The following PARD6G variants were observed in gnomAD, a reference collection of about 807,000 sequenced individuals.
PARD6G encodes partitioning defective 6 homolog gamma.
Under a neutral mutation model 10.7 loss-of-function variants are expected in PARD6G, and 7 were observed. The ratio of observed to expected loss-of-function variants is 0.66; its 90% CI spans 0.37 to 1.23. The LOEUF (loss-of-function observed/expected upper bound fraction) is 1.23. Ranked by LOEUF, PARD6G falls within the 50% of genes most tolerant of loss-of-function variation. The pLI is 0.02. For missense variants in PARD6G, 548 were observed against 571.8 expected, an observed-to-expected ratio of 0.96 and a Z score of 0.42; for synonymous variants, 287 against 269.4, an observed-to-expected ratio of 1.07 and a Z score of -0.64.
At chr18:80,222,092 T>G (rs547098537) in intron 1 of PARD6G, among the ~76,000 whole-genome samples, 2 of 152,268 alleles carry the variant, frequency 1.3e-5, no homozygotes, top group Non-Finnish European at 2.9e-5. Flanking sequence ...TTTTCTTTTT[T>G]CTTTTTTTTT....
At chr18:80,235,378 T>C (rs1426754697) in intron 1 of PARD6G, among the ~76,000 whole-genome samples, 2 of 152,148 alleles carry the variant, frequency 1.3e-5, no homozygotes, top group African/African-American at 2.4e-5. Context: ...GGGAAATTTA[T>C]AGCACTAAAT....
At position 80,160,154 on chromosome 18, in the gene PARD6G, C is replaced by T. The variant is rs1219219144; in HGVS notation, c.748G>A (p.Ala250Thr). Reference sequence around the variant, plus strand: ...CGCACCACGTTGTTGCGCTGGTTGGCGGGCTTGACGGTGACGATGAGGTTG... The same window carrying T: ...CGCACCACGTTGTTGCGCTGGTTGGTGGGCTTGACGGTGACGATGAGGTTG... ...SHNLIVTVKPANQRNNVVRGG... is the reference protein window; with the variant it reads ...SHNLIVTVKPTNQRNNVVRGG... Residue 250 changes from alanine (A) to threonine (T), a missense_variant, in exon 3 of 3, where the codon GCC (alanine) becomes ACC (threonine). Around this residue, in one of 2 missense-constraint regions of PARD6G, gnomAD observed 313 missense variants for 279.9 expected, o/e 1.12. Transcript: ENST00000353265. The T allele has an allele frequency of 1.9e-6, 3 of 1,613,228 alleles. No individual in the cohort carries two copies. Among genetic ancestry groups the T allele is most frequent in the African/African-American group, 2.7e-5 (2 of 74,924 alleles).
At chr18:80,243,934 A>AG (rs1195518374) in intron 1 of PARD6G, among the ~76,000 whole-genome samples, 2 of 151,992 alleles carry the variant, frequency 1.3e-5, no homozygotes, top group African/African-American at 4.8e-5. Flanking sequence ...CACTGCTGGG[A>AG]GCGGGGATGA....
At chr18:80,233,409 T>C (rs979138615) in intron 1 of PARD6G, among the ~76,000 whole-genome samples, 3 of 152,162 alleles carry the variant, frequency 2.0e-5, no homozygotes, top group African/African-American at 7.2e-5. Context: ...CAGGTGCTGA[T>C]GGGCCCAAGG....
In PARD6G at chr18:80,202,728, C is replaced by A. The variant is rs1018401922; in HGVS notation, c.277G>T (p.Val93Phe). The A allele has an allele frequency of 6.2e-7, 1 of 1,613,036 alleles. No individual in the cohort carries two copies. Among genetic ancestry groups the A allele is most frequent in the Non-Finnish European group, 8.5e-7 (1 of 1,179,936 alleles). ...TCAGTACCTCGTTTCTGGATGAAGA[C>A]CCTGAGCAGGGGATTTGCACTAGAA... Reference protein sequence around the residue: ...AVSSANPLLRVFIQKREEAER... With the variant: ...AVSSANPLLRFFIQKREEAER... Residue 93 changes from valine (V) to phenylalanine (F), a missense_variant, in exon 2 of 3, where the codon GTC becomes TTC. Around this residue, in one of 2 missense-constraint regions of PARD6G, gnomAD observed 235 missense variants for 291.9 expected, o/e 0.81. Transcript: ENST00000353265.
Position 80,175,912 on chromosome 18 carries a change from C to A in PARD6G, c.296-15306G>T, listed in dbSNP as rs2052805482. On this transcript the variant is annotated intron_variant, in intron 2 of 2. Coordinates refer to ENST00000353265, the MANE Select transcript of PARD6G (RefSeq NM_032510.4). This position sits in a 1 kb window ranked among gnomAD's most constrained non-coding sequence, Gnocchi z 6.7. ...CTCTAAATCCAAAAACTCCAAATGT[C>A]CACCAGCTCCAGTCACATTGGAGGT... 6.0e-6 allele frequency: 1 copy of A among 167,180 alleles called. No individual in the cohort carries two copies. The highest frequency in any genetic ancestry group is 6.5e-5 in the Admixed American group (1 of 15,290). 10.4% of individuals were successfully genotyped at this position (167,180 alleles called of 1,614,324 possible).
intron 2 of PARD6G, among the ~76,000 whole-genome samples, chr18:80,179,066 G>A (rs960884469): frequency 6.6e-6 from 1 of 152,080 alleles, no homozygotes; most frequent in Non-Finnish European, 1.5e-5. Context: ...CGAAGAGGAG[G>A]AGCCTGTCAC....
At chr18:80,210,076 G>A (rs995536150) in intron 1 of PARD6G, among the ~76,000 whole-genome samples, 4 of 152,096 alleles carry the variant, frequency 2.6e-5, no homozygotes, top group Admixed American at 6.6e-5. Context: ...AGCCAGTTGC[G>A]ATAAAAGTAA....
At chr18:80,171,064 T>C (rs2052772592) in intron 2 of PARD6G, 1 of 152,148 alleles carries the variant, frequency 6.6e-6, no homozygotes, top group African/African-American at 2.4e-5. Flanking sequence ...CTATTAAAAA[T>C]ACCACCCCAA....
chr18:80,212,623 A>C (rs1967120510), intron 1 of PARD6G, among the ~76,000 whole-genome samples: 1 of 151,910 alleles, frequency 6.6e-6, no homozygotes, highest in Non-Finnish European at 1.5e-5. Context: ...TGGTGGCTCA[A>C]GCCTGTAATC....
At chr18:80,215,354 A>T (rs1967152818) in intron 1 of PARD6G, among the ~76,000 whole-genome samples, 1 of 152,204 alleles carries the variant, frequency 6.6e-6, no homozygotes, top group Admixed American at 6.5e-5. Flanking sequence ...GTATATAAAA[A>T]TGATAGTATA....
intron 1 of PARD6G, among the ~76,000 whole-genome samples, chr18:80,239,724 TC>T (rs1467502346): frequency 6.6e-6 from 1 of 152,166 alleles, no homozygotes; most frequent in Non-Finnish European, 1.5e-5. Flanking sequence ...CCTCACCTTT[TC>T]CCCTCAGCTA....
rs1045746077 is a variant in PARD6G, at chr18:80,182,446, C to T, written c.295+20264G>A. On this transcript the variant is annotated intron_variant, in intron 2 of 2. Coordinates refer to ENST00000353265, the MANE Select transcript of PARD6G (RefSeq NM_032510.4). This position sits in a 1 kb window ranked among gnomAD's most constrained non-coding sequence, Gnocchi z 4.5. ...ACACTTAAAGAGCGACCAGCTTTTA[C>T]AGATACAAAAATAAACATGTTTGCC... 4.6e-5 allele frequency among the ~76,000 whole-genome samples: 7 copies of T among 152,238 alleles called. No individual in the cohort carries two copies. Among genetic ancestry groups the T allele is most frequent in the Non-Finnish European group, 8.8e-5 (6 of 68,034 alleles).
At chr18:80,226,659 T>A (rs1344698171) in intron 1 of PARD6G, among the ~76,000 whole-genome samples, 1 of 152,158 alleles carries the variant, frequency 6.6e-6, no homozygotes. Context: ...GTACCCCTGA[T>A]TCACAGATGA....
intron 1 of PARD6G, among the ~76,000 whole-genome samples, chr18:80,206,678 G>T (rs572985561): frequency 1.2e-4 from 18 of 152,332 alleles, no homozygotes; most frequent in East Asian, 7.7e-4. Context: ...CTACCTGAGT[G>T]TGCAAATGAA....
intron 1 of PARD6G, among the ~76,000 whole-genome samples, chr18:80,225,467 T>C (rs1280412686): frequency 1.3e-5 from 2 of 152,120 alleles, no homozygotes; most frequent in African/African-American, 4.8e-5. Flanking sequence ...AGCATCCCCT[T>C]TATAGAGGCA....
intron 1 of PARD6G, among the ~76,000 whole-genome samples, chr18:80,241,239 T>C (rs2886234): frequency 0.025 from 3,743 of 152,060 alleles, 150 homozygotes; most frequent in African/African-American, 0.086. Context: ...CTGAGAGGGG[T>C]GTGAGCCCTC....
Position 80,189,848 on chromosome 18 carries a change from A to C in PARD6G, c.295+12862T>G, listed in dbSNP as rs1183065856. Among the ~76,000 whole-genome samples, 1 of 152,242 alleles carries C rather than the reference A, an allele frequency of 6.6e-6. No homozygotes were observed. Among genetic ancestry groups the C allele is most frequent in the Non-Finnish European group, 1.5e-5 (1 of 68,052 alleles). On this transcript the variant is annotated intron_variant, in intron 2 of 2. Coordinates refer to ENST00000353265, the MANE Select transcript of PARD6G (RefSeq NM_032510.4). This position sits in a 1 kb window ranked among gnomAD's most constrained non-coding sequence, Gnocchi z 5.5. ...AAGGCAAATGAAATACTGCTGTCAGAAGAATTTTTAAACAGCTGGTTTGAA... is the reference window on the plus strand; with the variant it reads ...AAGGCAAATGAAATACTGCTGTCAGCAGAATTTTTAAACAGCTGGTTTGAA...
Position 80,160,084 on chromosome 18 carries a change from G to T in PARD6G, c.818C>A (p.Thr273Asn), listed in dbSNP as rs1179370024. The T allele has an allele frequency of 6.3e-7, 1 of 1,591,174 alleles. No individual in the cohort carries two copies. The highest frequency in any genetic ancestry group is 1.1e-5 in the South Asian group (1 of 87,922). Residue 273 changes from threonine (T) to asparagine (N), a missense_variant, in exon 3 of 3, where the codon ACC becomes AAC. Coordinates refer to ENST00000353265, the MANE Select transcript of PARD6G (RefSeq NM_032510.4). ...LGSSGPPSDG[T>N]AGFVGPPAPR... ...GGCGGGGGGACCCACGAAGCCCGCGGTGCCGTCCGAGGGCGGTCCCGAGCT... is the reference window on the plus strand; with the variant it reads ...GGCGGGGGGACCCACGAAGCCCGCGTTGCCGTCCGAGGGCGGTCCCGAGCT...
Sources: allele counts gnomAD v4.1 joint callset (sites outside exome capture counted in the v4.1 genomes callset), GRCh38; gene constraint gnomAD v4.1.1; regional missense constraint gnomAD v4.1.1; non-coding constraint Gnocchi (gnomAD v3.1); transcripts MANE v1.5; gene names NCBI Gene and HGNC (gene_info 2026-07-23, HGNC 2026-07-21).